The following CHAT variants were observed in gnomAD, a reference collection of about 807,000 sequenced individuals.
CHAT encodes the protein acetyl CoA:choline O-acetyltransferase.
In CHAT, 61 loss-of-function variants were observed where a neutral mutation model predicts 76.9. That is an observed-to-expected ratio of 0.79 (90% confidence interval 0.65 to 0.98). CHAT has a LOEUF of 0.98. Among genes scored for constraint, CHAT ranks in the 50% least tolerant of loss-of-function variants. The pLI, the probability that CHAT is intolerant of heterozygous loss-of-function variation, is 0.00. For synonymous variants in CHAT, 407 were observed against 397.4 expected (o/e 1.02, Z -0.29); for missense variants, 946 against 986.9 (o/e 0.96, Z 0.56).
chr10:49,617,328 C>T (rs1324106092), intron 2 of CHAT, among the ~76,000 whole-genome samples: 1 of 152,164 alleles, frequency 6.6e-6, no homozygotes, highest in African/African-American at 2.4e-5. Context: ...GCTTCTCTAC[C>T]CACCCCATTG....
At chr10:49,649,833 T>A (rs971787623) in intron 10 of CHAT, among the ~76,000 whole-genome samples, 197 bp downstream of exon 10, 3 of 150,644 alleles carry the variant, frequency 2.0e-5, no homozygotes, top group Non-Finnish European at 2.9e-5. Context: ...TGCTGAAGTA[T>A]CCATCATTTC....
intron 7 of CHAT, among the ~76,000 whole-genome samples, chr10:49,629,850 A>T (rs903436502): frequency 6.6e-6 from 1 of 152,238 alleles, no homozygotes; most frequent in Non-Finnish European, 1.5e-5. Flanking sequence ...TATGGAACAG[A>T]AACAGAGAGA....
chr10:49,612,040 C>G (rs1838312944), upstream of CHAT: 1 of 1,613,804 alleles, frequency 6.2e-7, no homozygotes, highest in Admixed American at 1.7e-5. Flanking sequence ...GGCCTACGCG[C>G]TCGGGCCCAT....
chr10:49,661,829 C>T (rs1275692028), intron 13 of CHAT, among the ~76,000 whole-genome samples: 1 of 152,146 alleles, frequency 6.6e-6, no homozygotes, highest in Non-Finnish European at 1.5e-5. Flanking sequence ...GAATGAGTAC[C>T]CGGCCCCACT....
chr10:49,651,787 C>G (rs1013667425), intron 10 of CHAT, 97 bp from the exon 11 acceptor site: 3 of 1,312,522 alleles, frequency 2.3e-6, no homozygotes, highest in Admixed American at 2.0e-5. Flanking sequence ...TTCCAGAACG[C>G]TAGGACACAG....
chr10:49,622,133 C>T lies in CHAT; in HGVS notation c.735C>T (p.Tyr245=). The T allele has an allele frequency of 6.8e-7, 1 of 1,468,320 alleles. No individual in the cohort carries two copies. The highest frequency in any genetic ancestry group is 1.1e-5 in the South Asian group (1 of 87,568). The allele number at this position is 1,468,320 out of a possible 1,614,324, so 91.0% of individuals were successfully genotyped here. A position where few individuals can be genotyped will look rare whatever the true frequency, so the allele number is the denominator to read the frequency against. ...AASLISGVLS[Y]KALLDSHSIP... ...GCCTCATCTCTGGTGTACTCAGCTA[C>T]AAGGCCCTGCTGGACAGGTAGGACT... The change falls in exon 5 of 15, where the codon TAC becomes TAT. Residue 245 remains tyrosine, a synonymous_variant. Transcript: ENST00000337653.
Position 49,619,762 on chromosome 10 carries a change from C to A in CHAT, c.425C>A (p.Thr142Asn), listed in dbSNP as rs1838632223. 2 of 1,613,718 alleles carry A rather than the reference C, an allele frequency of 1.2e-6. No individual in the cohort carries two copies. The highest frequency in any genetic ancestry group is 1.1e-5 in the South Asian group (1 of 91,066). ...CTGCCCGTGCCCCCGCTGCAGCAGA[C>A]CCTGGCCACGTACCTGCAGTGCATG... ...PKLPVPPLQQ[T>N]LATYLQCMRH... Residue 142 changes from threonine to asparagine, a missense_variant, in exon 3 of 15, where the codon ACC becomes AAC. By Grantham distance (65) the Thr-to-Asn change is moderately conservative. Transcript: ENST00000337653.
intron 5 of CHAT, among the ~76,000 whole-genome samples, chr10:49,622,818 A>T (rs190356455): frequency 5.9e-5 from 9 of 152,272 alleles, no homozygotes; most frequent in Admixed American, 3.3e-4. Context: ...CAGCTCAGAG[A>T]GGTTAAGTAA....
rs1840297563 is a variant in CHAT at position 49,664,671 on chromosome 10, G to A, written c.1978-106G>A. On this transcript the variant is annotated intron_variant, in intron 14 of 14. Transcript: ENST00000337653. Reference sequence around the variant, plus strand: ...CATGCTAAAGCAATCACTTGATTTGGTTAATTCAGTCAAACCCCCAGGTGG... The same window carrying A: ...CATGCTAAAGCAATCACTTGATTTGATTAATTCAGTCAAACCCCCAGGTGG... The A allele has an allele frequency of 3.7e-6, 5 of 1,343,898 alleles. No individual in the cohort carries two copies. The Admixed American group carries it at 6.7e-5, about 18-fold the overall frequency. 83.2% of individuals were successfully genotyped at this position (1,343,898 alleles called of 1,614,324 possible).
intron 2 of CHAT, among the ~76,000 whole-genome samples, chr10:49,619,396 C>A (rs1167584172): frequency 1.3e-5 from 2 of 152,164 alleles, no homozygotes; most frequent in Non-Finnish European, 2.9e-5. Context: ...GAGGAAGAAA[C>A]TGAGGCACAG....
chr10:49,616,653 C>T, intron 2 of CHAT, 51 bp downstream of exon 2: 1 of 1,287,408 alleles, frequency 7.8e-7, no homozygotes, highest in Non-Finnish European at 1.1e-6. Context: ...CACCTACATG[C>T]CCTTGCTTCT....
intron 11 of CHAT, among the ~76,000 whole-genome samples, chr10:49,652,623 A>G (rs1009706418): frequency 6.6e-6 from 1 of 152,042 alleles, no homozygotes; most frequent in East Asian, 1.9e-4. Context: ...TGCCCCTGGT[A>G]ATCCTGTCTT....
At chr10:49,662,599 A>G in intron 13 of CHAT, 46 bp from the exon 14 acceptor site, 4 of 1,612,182 alleles carry the variant, frequency 2.5e-6, no homozygotes, top group Non-Finnish European at 3.4e-6. Flanking sequence ...AAGGAGGTGC[A>G]GGAGGCCCAC....
At chr10:49,626,530 C>T (rs993180813) in intron 6 of CHAT, among the ~76,000 whole-genome samples, 2 of 152,148 alleles carry the variant, frequency 1.3e-5, no homozygotes, top group Admixed American at 6.5e-5. Context: ...GCAGCTGTGA[C>T]CTCTGTTCCT....
intron 7 of CHAT, among the ~76,000 whole-genome samples, chr10:49,639,127 C>T (rs1839392060): frequency 6.6e-6 from 1 of 152,040 alleles, no homozygotes; most frequent in African/African-American, 2.4e-5. Flanking sequence ...CCCAGCCACT[C>T]AGGAGGCTGA....
At chr10:49,662,575 A>G in intron 13 of CHAT, 70 bp from the exon 14 acceptor site, 2 of 1,593,934 alleles carry the variant, frequency 1.3e-6, no homozygotes, top group South Asian at 2.2e-5. Context: ...CCTGTAGACT[A>G]CAGAGCAGGG....
At chr10:49,653,407 C>A (rs1160615572) in intron 11 of CHAT, among the ~76,000 whole-genome samples, 1 of 143,824 alleles carries the variant, frequency 7.0e-6, no homozygotes. Flanking sequence ...CTGCTATGAA[C>A]GGTAAAGCTC....
intron 7 of CHAT, among the ~76,000 whole-genome samples, chr10:49,630,742 A>G (rs1230878380): frequency 6.6e-6 from 1 of 152,218 alleles, no homozygotes; most frequent in East Asian, 1.9e-4. Flanking sequence ...CAAAGGCAAA[A>G]GGAGATAGAA....
chr10:49,612,581 G>A (rs1054750403), upstream of CHAT: 17 of 518,330 alleles, frequency 3.3e-5, no homozygotes, highest in Non-Finnish European at 5.5e-5. Flanking sequence ...GAGGTGAAGA[G>A]GACCCTGAGT....
Sources: gnomAD v4.1 joint callset for allele counts (sites outside exome capture counted in the v4.1 genomes callset) on GRCh38, gnomAD v4.1.1 for gene constraint, MANE v1.5 for transcripts, NCBI Gene and HGNC (gene_info 2026-07-23, HGNC 2026-07-21) for gene names.